The following NCMAP variants were observed in gnomAD, a reference collection of about 807,000 sequenced individuals.
NCMAP encodes the protein non-compact myelin associated protein.
A neutral mutation model predicts 7.8 loss-of-function variants in NCMAP; 8 were observed. The ratio of observed to expected loss-of-function variants is 1.02; its 90% confidence interval spans 0.60 to 1.84. The LOEUF (loss-of-function observed/expected upper bound fraction) is 1.84. Among genes scored for constraint, NCMAP ranks in the 40% most tolerant of loss-of-function variants. The pLI, the probability that NCMAP is intolerant of heterozygous loss-of-function variation, is 0.00. For synonymous variants in NCMAP, 41 were observed against 52.9 expected, an observed-to-expected ratio of 0.78 and a Z score of 0.98; for missense variants, 112 against 131.4, an observed-to-expected ratio of 0.85 and a Z score of 0.72.
rs1412260409 is a variant in NCMAP, at chr1:24,570,861, T to A, written c.-8+14692T>A. ...ATATGATTAATGAATATTTCCTGAATGAATGAATGTATGAACAAATGAATG... is the reference window on the plus strand; with the variant it reads ...ATATGATTAATGAATATTTCCTGAAAGAATGAATGTATGAACAAATGAATG... On this transcript the variant is annotated intron_variant, in intron 1 of 3. Transcript: ENST00000374392. 1.3e-5 allele frequency among the ~76,000 whole-genome samples: 2 copies of A among 151,008 alleles called. 1 individual carries two copies. The highest frequency in any genetic ancestry group is 5.0e-5 in the African/African-American group (2 of 40,258).
Position 24,605,933 on chromosome 1 carries a change from TC to T in NCMAP, c.*188del. ...TCTGCCCTGCCCTACCCCAACTGTG[TC>T]CACATCCCTGCCGCCACCCCACCAA... On this transcript the variant is annotated 3_prime_UTR_variant, in exon 4 of 4. Transcript: ENST00000374392. The T allele has an allele frequency of 1.6e-6, 1 of 623,512 alleles. No individual in the cohort carries two copies. Among genetic ancestry groups the T allele is most frequent in the Non-Finnish European group, 2.7e-6 (1 of 375,940 alleles). 38.6% of individuals were successfully genotyped at this position (623,512 alleles called of 1,614,324 possible). A position where few individuals can be genotyped will look rare whatever the true frequency, so the allele number is the denominator to read the frequency against.
intron 1 of NCMAP, among the ~76,000 whole-genome samples, chr1:24,557,413 TTGTGTGCATG>T (rs66897322): frequency 0.13 from 18,995 of 151,446 alleles, 1,432 homozygotes; most frequent in East Asian, 0.27. Context: ...GTGTGTGCGC[TTGTGTGCATG>T]TGTGTGCATG....
chr1:24,560,579 T>C (rs1651021138), intron 1 of NCMAP, among the ~76,000 whole-genome samples: 1 of 152,064 alleles, frequency 6.6e-6, no homozygotes, highest in South Asian at 2.1e-4. Context: ...ACCCTGTCTC[T>C]ACAAATAACA....
chr1:24,590,091 C>T (rs1408734846), intron 1 of NCMAP, among the ~76,000 whole-genome samples: 1 of 152,188 alleles, frequency 6.6e-6, no homozygotes, highest in African/African-American at 2.4e-5. Context: ...TGAGCCACTG[C>T]ACCCGGCTGA....
At chr1:24,562,299 C>G (rs548558157) in intron 1 of NCMAP, among the ~76,000 whole-genome samples, 1 of 152,324 alleles carries the variant, frequency 6.6e-6, no homozygotes, top group Admixed American at 6.5e-5. Flanking sequence ...CACTTTGCAG[C>G]CTTGTCTCCT....
chr1:24,588,529 A>G (rs1014136893), intron 1 of NCMAP, among the ~76,000 whole-genome samples: 1 of 152,066 alleles, frequency 6.6e-6, no homozygotes, highest in Non-Finnish European at 1.5e-5. Context: ...GAGAGGGGGT[A>G]CCCCTAGGGC....
intron 1 of NCMAP, among the ~76,000 whole-genome samples, chr1:24,569,272 GC>G (rs1037708957): frequency 3.3e-5 from 5 of 151,546 alleles, no homozygotes; most frequent in African/African-American, 1.2e-4. Context: ...GGGATTACAG[GC>G]ATGAGCCACC....
intron 1 of NCMAP, among the ~76,000 whole-genome samples, chr1:24,577,929 C>T (rs963439198): frequency 5.3e-5 from 8 of 151,964 alleles, no homozygotes; most frequent in Non-Finnish European, 1.2e-4. Flanking sequence ...GCTGCTGTTG[C>T]GCATTTTGTT....
intron 1 of NCMAP, among the ~76,000 whole-genome samples, chr1:24,570,987 T>C (rs1459703620): frequency 6.6e-6 from 1 of 150,732 alleles, no homozygotes; most frequent in Non-Finnish European, 1.5e-5. Flanking sequence ...CTGGGCATGG[T>C]CTTCATGTTC....
At chr1:24,582,110 C>T (rs2148931413) in intron 1 of NCMAP, among the ~76,000 whole-genome samples, 1 of 152,320 alleles carries the variant, frequency 6.6e-6, no homozygotes, top group East Asian at 1.9e-4. Flanking sequence ...CTCTGTCCGT[C>T]TCTCACAGCC....
rs56833116 is a variant in NCMAP at position 24,606,507 on chromosome 1, G to T, written c.*760G>T. 8,267 of 152,630 alleles carry T rather than the reference G, an allele frequency of 0.054. 763 individuals carry two copies. The highest frequency in any genetic ancestry group is 0.19 in the African/African-American group (7,826 of 41,406). The allele number at this position is 152,630 out of a possible 1,614,324, so 9.5% of individuals were successfully genotyped here. A position where few individuals can be genotyped will look rare whatever the true frequency, so the allele number is the denominator to read the frequency against. On this transcript the variant is annotated 3_prime_UTR_variant, in exon 4 of 4. Transcript: ENST00000374392. ...CACTCTGGGCTGTATCAACCCTGACGGTCTTGGTCTTTGGCTCCCCTTTAT... is the reference window on the plus strand; with the variant it reads ...CACTCTGGGCTGTATCAACCCTGACTGTCTTGGTCTTTGGCTCCCCTTTAT...
rs1652798490 is a variant in NCMAP at position 24,607,344 on chromosome 1, C to A, written c.*1597C>A. 6.6e-6 allele frequency: 1 copy of A among 151,540 alleles called. No individual in the cohort carries two copies. Among genetic ancestry groups the A allele is most frequent in the Admixed American group, 6.6e-5 (1 of 15,222 alleles). The allele number at this position is 151,540 out of a possible 1,614,324, so 9.4% of individuals were successfully genotyped here. On this transcript the variant is annotated 3_prime_UTR_variant, in exon 4 of 4. Transcript: ENST00000374392. ...TTATTATAGGCTTTTTTTTCAATTGCAAGATAGACATTTCTTCACATTTTA... is the reference window on the plus strand; with the variant it reads ...TTATTATAGGCTTTTTTTTCAATTGAAAGATAGACATTTCTTCACATTTTA...
chr1:24,573,263 G>A (rs1651442594), intron 1 of NCMAP, among the ~76,000 whole-genome samples: 1 of 150,834 alleles, frequency 6.6e-6, no homozygotes, highest in Non-Finnish European at 1.5e-5. Context: ...TAGTGGGCAA[G>A]GCATCAGTGT....
chr1:24,597,569 T>A (rs1274271864), intron 2 of NCMAP, among the ~76,000 whole-genome samples: 2 of 92,972 alleles, frequency 2.2e-5, no homozygotes, highest in African/African-American at 4.5e-5. Context: ...GGGGAGGTTC[T>A]CCTGTAAAAA....
At chr1:24,577,728 T>C (rs1651626271) in intron 1 of NCMAP, among the ~76,000 whole-genome samples, 1 of 152,134 alleles carries the variant, frequency 6.6e-6, no homozygotes, top group Non-Finnish European at 1.5e-5. Flanking sequence ...TACATCTACA[T>C]AGTCTTGCTT....
intron 1 of NCMAP, among the ~76,000 whole-genome samples, chr1:24,578,560 CTTTTTTTTTTTT>C (rs555342098): frequency 9.3e-6 from 1 of 107,378 alleles, no homozygotes; most frequent in Non-Finnish European, 1.8e-5. Flanking sequence ...TTCTTTCTTT[CTTTTTTTTTTTT>C]TTTTTTTTGA....
Position 24,594,899 on chromosome 1 carries a change from A to AT in NCMAP, c.-7-525_-7-524insT, listed in dbSNP as rs578025500. Among the ~76,000 whole-genome samples, 388 of 116,828 alleles carry AT rather than the reference A, an allele frequency of 3.3e-3. 2 individuals are homozygous for AT. The highest frequency in any genetic ancestry group is 0.011 in the African/African-American group (299 of 26,268). 76.6% of individuals were successfully genotyped at this position (116,828 alleles called of 152,430 possible). On this transcript the variant is annotated intron_variant, in intron 1 of 3. Coordinates refer to ENST00000374392, the MANE Select transcript of NCMAP (RefSeq NM_001010980.5). ...GGGCAAGACCTTTATGTAAAAAAAA[A>AT]ATTTTTTAAATCATAGTTAATTTTT...
At chr1:24,575,069 C>T (rs1165294936) in intron 1 of NCMAP, among the ~76,000 whole-genome samples, 1 of 152,024 alleles carries the variant, frequency 6.6e-6, no homozygotes, top group Non-Finnish European at 1.5e-5. Context: ...GGATTACAAG[C>T]ATAAGCCACC....
chr1:24,599,833 C>G (rs1231540234), intron 2 of NCMAP, among the ~76,000 whole-genome samples: 7 of 89,202 alleles, frequency 7.8e-5, no homozygotes, highest in Admixed American at 1.9e-4. Context: ...CCCCCCCCCC[C>G]CCCCCCTTGG....
Sources: allele counts gnomAD v4.1 joint callset (sites outside exome capture counted in the v4.1 genomes callset), GRCh38; gene constraint gnomAD v4.1.1; transcripts MANE v1.5; gene names NCBI Gene and HGNC (gene_info 2026-07-23, HGNC 2026-07-21).